The following SAMD14 variants were observed in gnomAD, a reference collection of about 807,000 sequenced individuals.
SAMD14 encodes the protein sterile alpha motif domain containing 14, also known as sterile alpha motif domain-containing protein 14.
Under a neutral mutation model 46.2 loss-of-function variants are expected in SAMD14, and 27 were observed. The ratio of observed to expected loss-of-function variants is 0.58; its 90% CI spans 0.43 to 0.81. The LOEUF is 0.81. SAMD14 is among the 30% of genes least tolerant of loss of function. The probability of loss-of-function intolerance (pLI) is 0.00; values close to 1 mark genes in which losing one functional copy is unlikely to be tolerated. For missense variants in SAMD14, 559 were observed against 582.2 expected, an observed-to-expected ratio of 0.96 and a Z score of 0.41; for synonymous variants, 241 against 254.3, an observed-to-expected ratio of 0.95 and a Z score of 0.50.
In SAMD14 at chr17:50,118,174, C is replaced by T. The variant is rs775182718; in HGVS notation, c.197G>A (p.Gly66Glu). 3 of 1,599,582 alleles carry T rather than the reference C, an allele frequency of 1.9e-6. No individual in the cohort carries two copies. The highest frequency in any genetic ancestry group is 2.7e-5 in the African/African-American group (2 of 74,588). The change falls in exon 3 of 10, where the codon GGG (glycine) becomes GAG (glutamate). Residue 66 changes from glycine to glutamate, a missense_variant. By Grantham distance (98) the Gly-to-Glu change is moderately conservative. Coordinates refer to ENST00000330175, the MANE Select transcript of SAMD14 (RefSeq NM_001257359.2). ...SSAEDGEGSD[G>E]PGGKVTDGCG... is the part of the protein sequence containing the mutation. ...ACTTGCCCCAACCTTGCCTCCGGGC[C>T]CATCCGAGCCTTCACCATCCTCCGC...
At chr17:50,113,103 C>T in intron 9 of SAMD14, 55 bp from the exon 10 acceptor site, 1 of 1,588,646 alleles carries the variant, frequency 6.3e-7, no homozygotes, top group East Asian at 2.2e-5. Flanking sequence ...CAGTCCTGGC[C>T]TCCCACGCCC....
intron 1 of SAMD14, among the ~76,000 whole-genome samples, chr17:50,128,448 C>T (rs1911875277): frequency 6.9e-6 from 1 of 145,526 alleles, no homozygotes; most frequent in Non-Finnish European, 1.5e-5. Flanking sequence ...AACCCGCCCC[C>T]ACTCTCACTC....
At chr17:50,124,746 T>G (rs1911662449) in intron 2 of SAMD14, among the ~76,000 whole-genome samples, 171 bp downstream of exon 2, 1 of 140,966 alleles carries the variant, frequency 7.1e-6, no homozygotes, top group Non-Finnish European at 1.5e-5. Context: ...CAGGCCACAA[T>G]ACCTGCACGC....
rs1273234017 is a variant in SAMD14 at position 50,110,238 on chromosome 17, G to A, written c.*2655C>T. ...GTTCTGTCTCTATGGAAGTCACTGCGGTGATAGGTCTGTGATGGTCCCTAA... is the reference window on the plus strand; with the variant it reads ...GTTCTGTCTCTATGGAAGTCACTGCAGTGATAGGTCTGTGATGGTCCCTAA... On this transcript the variant is annotated 3_prime_UTR_variant, in exon 10 of 10. Transcript: ENST00000330175. 15 of 917,886 alleles carry A rather than the reference G, an allele frequency of 1.6e-5. No homozygotes were observed. The highest frequency in any genetic ancestry group is 6.7e-5 in the African/African-American group (4 of 59,902). The allele number at this position is 917,886 out of a possible 1,614,324, so 56.9% of individuals were successfully genotyped here.
In SAMD14 at chr17:50,112,911, CT is replaced by C; in HGVS notation, c.1235del (p.Gln412ArgfsTer103). The C allele has an allele frequency of 6.2e-7, 1 of 1,606,294 alleles. No homozygotes were observed. The highest frequency in any genetic ancestry group is 8.5e-7 in the Non-Finnish European group (1 of 1,179,826). On this transcript the variant is annotated frameshift_variant, in exon 10 of 10. Coordinates refer to ENST00000330175, the MANE Select transcript of SAMD14 (RefSeq NM_001257359.2). LOFTEE classifies it high-confidence loss of function. ...CCCTCCCCTAGCTCTTCTTGGCCTC[CT>C]GCTCTCGGCGCCGGAGCTTCTCCCG... ...RQREKLRRRE[Q>X]EAKKS
At chr17:50,117,263 T>G in intron 4 of SAMD14, 144 bp downstream of exon 4, 1 of 782,152 alleles carries the variant, frequency 1.3e-6, no homozygotes. Flanking sequence ...CGGTAAAGAA[T>G]GAGTGAGCGG....
At chr17:50,121,121 A>G (rs1302137168) in intron 2 of SAMD14, among the ~76,000 whole-genome samples, 1 of 151,984 alleles carries the variant, frequency 6.6e-6, no homozygotes, top group Non-Finnish European at 1.5e-5. Context: ...CCTCACACCC[A>G]TGGAACCTGG....
At position 50,114,181 on chromosome 17, in the gene SAMD14, G is replaced by T; in HGVS notation, c.942+6C>A. ...TCCGTGGGCACCCTGGGCCAGCCTTGCTCACCTCATCTGAAGACTGAGACA... is the reference window on the plus strand; with the variant it reads ...TCCGTGGGCACCCTGGGCCAGCCTTTCTCACCTCATCTGAAGACTGAGACA... On this transcript the variant is annotated splice_donor_region_variant and intron_variant, in intron 8 of 9. Transcript: ENST00000330175. 1 of 1,614,182 alleles carries T rather than the reference G, an allele frequency of 6.2e-7. No individual in the cohort carries two copies. The highest frequency in any genetic ancestry group is 1.7e-5 in the Admixed American group (1 of 60,032).
chr17:50,118,443 A>G, intron 2 of SAMD14, 116 bp from the exon 3 acceptor site: 4 of 1,232,454 alleles, frequency 3.2e-6, no homozygotes, highest in Non-Finnish European at 4.5e-6. Flanking sequence ...CGTGTTCTTG[A>G]GTGCTGGGAG....
intron 2 of SAMD14, chr17:50,124,260 T>C: frequency 2.2e-6 from 1 of 446,618 alleles, no homozygotes; most frequent in Non-Finnish European, 4.5e-6. Context: ...GATGGTACCG[T>C]GGTGTGTGCA....
At chr17:50,124,821 A>G (rs1198657690) in intron 2 of SAMD14, 96 bp downstream of exon 2, 3 of 1,201,064 alleles carry the variant, frequency 2.5e-6, no homozygotes, top group Non-Finnish European at 3.7e-6. Flanking sequence ...TGAAGCTGCC[A>G]AGAAGCACCC....
Position 50,124,158 on chromosome 17 carries a change from C to T in SAMD14, c.43+759G>A, listed in dbSNP as rs531783455. On this transcript the variant is annotated intron_variant, in intron 2 of 9. Coordinates refer to ENST00000330175, the MANE Select transcript of SAMD14 (RefSeq NM_001257359.2). The stretch of plus-strand genomic sequence containing the variant: ...CTCCACCGGAATCCCGCTGGGAAAC[C>T]GGCTTTCCGCCCCAGTGCATGCTGG... 87 of 456,240 alleles carry T rather than the reference C, an allele frequency of 1.9e-4. 1 individual carries two copies. In the East Asian group the frequency reaches 4.4e-3, roughly 23 times the overall value. 28.3% of individuals were successfully genotyped at this position (456,240 alleles called of 1,614,324 possible).
At chr17:50,118,815 T>C (rs1021678654) in intron 2 of SAMD14, among the ~76,000 whole-genome samples, 5 of 152,180 alleles carry the variant, frequency 3.3e-5, no homozygotes, top group Admixed American at 2.6e-4. Flanking sequence ...AAACACTTAC[T>C]ACACACCAGA....
At position 50,112,881 on chromosome 17, in the gene SAMD14, G is replaced by A. The variant is rs555523182; in HGVS notation, c.*12C>T. ...CTGCCCCTGCCGGGTGCCAGCGCCT[G>A]TGCACCCTCCCCTAGCTCTTCTTGG... On this transcript the variant is annotated 3_prime_UTR_variant, in exon 10 of 10. Coordinates refer to ENST00000330175, the MANE Select transcript of SAMD14 (RefSeq NM_001257359.2). 8.1e-6 allele frequency: 13 copies of A among 1,600,380 alleles called. No homozygotes were observed. The African/African-American group carries it at 1.2e-4, about 15-fold the overall frequency.
Position 50,110,316 on chromosome 17 carries a change from C to T in SAMD14, c.*2577G>A, listed in dbSNP as rs1420049603. 1.1e-5 allele frequency: 5 copies of T among 442,178 alleles called. No homozygotes were observed. Among genetic ancestry groups the T allele is most frequent in the East Asian group, 7.1e-5 (2 of 28,192 alleles). 27.4% of individuals were successfully genotyped at this position (442,178 alleles called of 1,614,324 possible). On this transcript the variant is annotated 3_prime_UTR_variant, in exon 10 of 10. Transcript: ENST00000330175. ...TCGGTGGCCTCCCTATCTCTGTGGG[C>T]GATGCCTGAGGGTTAGGGATGTCTC...
At chr17:50,128,110 C>A (rs1911860859) in intron 1 of SAMD14, among the ~76,000 whole-genome samples, 1 of 152,148 alleles carries the variant, frequency 6.6e-6, no homozygotes, top group Non-Finnish European at 1.5e-5. Flanking sequence ...AGAATGGAGG[C>A]TCTCTGAGGG....
chr17:50,123,129 C>T (rs1228791131), intron 2 of SAMD14, among the ~76,000 whole-genome samples: 4 of 152,198 alleles, frequency 2.6e-5, no homozygotes, highest in Admixed American at 2.6e-4. Flanking sequence ...CTCATTTGAG[C>T]CTCCCCACAG....
At chr17:50,113,759 G>A in intron 9 of SAMD14, 165 bp downstream of exon 9, 1 of 693,934 alleles carries the variant, frequency 1.4e-6, no homozygotes, top group Non-Finnish European at 2.4e-6. Context: ...ATTAGACCAA[G>A]GACCTTGCCT....
rs1023409039 is a variant in SAMD14 at position 50,130,084 on chromosome 17, G to A, written c.-580C>T. On this transcript the variant is annotated 5_prime_UTR_variant, in exon 1 of 10. Transcript: ENST00000330175. This position sits in a 1 kb window ranked among gnomAD's most constrained non-coding sequence, Gnocchi z 4.1. ...AGGGAGCGAGGGGGCGGGGGCGGGG[G>A]AGGGCGGCGGGGAGGAGGCGGCTGG... Among the ~76,000 whole-genome samples the A allele has an allele frequency of 2.0e-5, 3 of 151,528 alleles. No individual in the cohort carries two copies. The highest frequency in any genetic ancestry group is 1.3e-4 in the Admixed American group (2 of 15,250).
Sources: gnomAD v4.1 joint callset for allele counts (sites outside exome capture counted in the v4.1 genomes callset) on GRCh38, gnomAD v4.1.1 for gene constraint, Gnocchi (gnomAD v3.1) non-coding constraint, MANE v1.5 for transcripts, NCBI Gene and HGNC (gene_info 2026-07-23, HGNC 2026-07-21) for gene names.